Variants in STK38L observed in about 807,000 individuals in gnomAD.
STK38L encodes the protein serine/threonine kinase 38 like, also known as serine/threonine-protein kinase 38-like.
In STK38L, 28 loss-of-function variants were observed where a neutral mutation model predicts 59.7. The observed-to-expected ratio is 0.47, with a 90% CI of 0.35 to 0.64. The LOEUF (loss-of-function observed/expected upper bound fraction) is 0.64, where lower values mean the gene tolerates loss of function less well. Ranked by LOEUF, STK38L falls within the 30% of genes least tolerant of loss-of-function variation. The probability of loss-of-function intolerance (pLI) is 0.01; values close to 1 mark genes in which losing one functional copy is unlikely to be tolerated. For synonymous variants in STK38L, 162 were observed against 176.8 expected, an observed-to-expected ratio of 0.92 and a Z score of 0.66; for missense variants, 314 against 555.8, an observed-to-expected ratio of 0.56 and a Z score of 4.37.
Position 27,324,297 on chromosome 12 carries a change from G to C in STK38L, c.*1842G>C, listed in dbSNP as rs1425091398. 1 of 151,954 alleles carries C rather than the reference G, an allele frequency of 6.6e-6. No individual in the cohort carries two copies. Among genetic ancestry groups the C allele is most frequent in the East Asian group, 1.9e-4 (1 of 5,194 alleles). 9.4% of individuals were successfully genotyped at this position (151,954 alleles called of 1,614,324 possible). The stretch of plus-strand genomic sequence containing the variant: ...AACTCTAATTTTTCTAATTATAACT[G>C]CCTTTAATTAACATAATATTAACTT... On this transcript the variant is annotated 3_prime_UTR_variant, in exon 14 of 14. Coordinates refer to ENST00000389032, the MANE Select transcript of STK38L (RefSeq NM_015000.4).
intron 12 of STK38L, among the ~76,000 whole-genome samples, chr12:27,321,354 T>G (rs1423791893): frequency 1.3e-5 from 2 of 152,256 alleles, no homozygotes; most frequent in African/African-American, 4.8e-5. Flanking sequence ...TCTTTTTAAC[T>G]GAGTATCTTT....
intron 1 of STK38L, 98 bp from the exon 2 acceptor site, chr12:27,297,612 G>C (rs536806698): frequency 6.8e-6 from 9 of 1,316,114 alleles, no homozygotes; most frequent in Non-Finnish European, 9.2e-6. Context: ...TGTTAGGGTC[G>C]AATTTTTCTT....
chr12:27,316,858 C>T (rs540461087), intron 9 of STK38L, among the ~76,000 whole-genome samples: 2 of 152,166 alleles, frequency 1.3e-5, no homozygotes, highest in African/African-American at 4.8e-5. Context: ...TATTATTATT[C>T]TAGTTTTATG....
intron 9 of STK38L, among the ~76,000 whole-genome samples, chr12:27,317,128 G>A (rs1341664889): frequency 6.6e-6 from 1 of 152,080 alleles, no homozygotes; most frequent in East Asian, 1.9e-4. Flanking sequence ...CATTCCCTCA[G>A]GAAAGTAAAT....
intron 2 of STK38L, among the ~76,000 whole-genome samples, chr12:27,298,806 C>G (rs552787723): frequency 2.6e-5 from 4 of 152,226 alleles, no homozygotes; most frequent in Non-Finnish European, 5.9e-5. Context: ...TGTCCAATTT[C>G]GCTCAAGCAC....
chr12:27,269,406 G>C (rs1943371103), intron 1 of STK38L, among the ~76,000 whole-genome samples: 1 of 152,094 alleles, frequency 6.6e-6, no homozygotes, highest in Non-Finnish European at 1.5e-5. Context: ...GTTTTTGTCA[G>C]GTTTGTCAAA....
intron 1 of STK38L, among the ~76,000 whole-genome samples, chr12:27,279,288 A>G (rs1943602203): frequency 6.6e-6 from 1 of 152,232 alleles, no homozygotes; most frequent in Non-Finnish European, 1.5e-5. Flanking sequence ...TGTGAAAATA[A>G]AATAGTTGGT....
At chr12:27,305,505 C>T (rs932463714) in intron 3 of STK38L, among the ~76,000 whole-genome samples, 1 of 151,604 alleles carries the variant, frequency 6.6e-6, no homozygotes, top group Non-Finnish European at 1.5e-5. Flanking sequence ...GTAAAATAGA[C>T]AAGCTCTCTC....
At chr12:27,296,598 G>A (rs967190420) in intron 1 of STK38L, among the ~76,000 whole-genome samples, 4 of 152,234 alleles carry the variant, frequency 2.6e-5, no homozygotes, top group African/African-American at 9.6e-5. Context: ...TGTGGCATAG[G>A]TGGCAGGTTT....
At chr12:27,318,793 C>T (rs1236640902) in intron 11 of STK38L, among the ~76,000 whole-genome samples, 2 of 152,096 alleles carry the variant, frequency 1.3e-5, no homozygotes, top group Non-Finnish European at 2.9e-5. Flanking sequence ...AAATCAAAAC[C>T]ATCCTGGCTA....
rs779060341 is a variant in STK38L at position 27,317,463 on chromosome 12, A to G, written c.955+10A>G. Reference sequence around the variant, plus strand: ...TATGAAATGCTAATAGGTATGTTTTATCATTCATTTATGTACAAAATATAT... The same window carrying G: ...TATGAAATGCTAATAGGTATGTTTTGTCATTCATTTATGTACAAAATATAT... On this transcript the variant is annotated intron_variant, in intron 10 of 13. Transcript: ENST00000389032. The G allele has an allele frequency of 3.2e-6, 5 of 1,572,030 alleles. No homozygotes were observed. The highest frequency in any genetic ancestry group is 4.4e-6 in the Non-Finnish European group (5 of 1,148,854).
At chr12:27,265,324 A>G (rs1438469215) in intron 1 of STK38L, among the ~76,000 whole-genome samples, 13 of 152,108 alleles carry the variant, frequency 8.5e-5, no homozygotes, top group Non-Finnish European at 1.9e-4. Context: ...TTCTTTTTCC[A>G]TCATGATAAT....
intron 1 of STK38L, among the ~76,000 whole-genome samples, chr12:27,252,451 C>T (rs1484366976): frequency 6.6e-6 from 1 of 152,154 alleles, no homozygotes; most frequent in Admixed American, 6.5e-5. Flanking sequence ...TTAATTTTTA[C>T]TAGCAGTGTT....
In STK38L at chr12:27,312,635, G is replaced by A; in HGVS notation, c.480G>A (p.Lys160=). The A allele has an allele frequency of 1.2e-6, 2 of 1,614,070 alleles. No homozygotes were observed. The highest frequency in any genetic ancestry group is 1.7e-6 in the Non-Finnish European group (2 of 1,179,996). ...AGATGTTTTACAGTTTTCAGGATAAGAGGAATCTTTATCTAATCATGGAAT... is the reference window on the plus strand; with the variant it reads ...AGATGTTTTACAGTTTTCAGGATAAAAGGAATCTTTATCTAATCATGGAAT... The part of the protein sequence containing the change: ...VVKMFYSFQD[K]RNLYLIMEFL... Residue 160 remains lysine, a synonymous_variant, in exon 6 of 14, where the codon AAG becomes AAA. Coordinates refer to ENST00000389032, the MANE Select transcript of STK38L (RefSeq NM_015000.4).
chr12:27,312,769 T>C, intron 6 of STK38L, 97 bp downstream of exon 6: 1 of 1,439,604 alleles, frequency 6.9e-7, no homozygotes, highest in Non-Finnish European at 9.4e-7. Flanking sequence ...TATTCTTTGC[T>C]CTGAGGCTTT....
At position 27,276,662 on chromosome 12, in the gene STK38L, G is replaced by T. The variant is rs1943544682; in HGVS notation, c.-11-21048G>T. Among the ~76,000 whole-genome samples the T allele has an allele frequency of 2.0e-5, 3 of 152,202 alleles. No homozygotes were observed. In the South Asian group the frequency reaches 6.2e-4, roughly 31 times the overall value. On this transcript the variant is annotated intron_variant, in intron 1 of 13. Transcript: ENST00000389032. ...AATAGTTTTAAAAAATTATCCATAA[G>T]AAACCTTTAAAATTCCTTGGAATCT...
At chr12:27,278,144 C>T (rs1943577530) in intron 1 of STK38L, among the ~76,000 whole-genome samples, 1 of 152,208 alleles carries the variant, frequency 6.6e-6, no homozygotes, top group African/African-American at 2.4e-5. Flanking sequence ...TTAAGAGATG[C>T]TTGCTTATGG....
At chr12:27,309,286 T>C in intron 5 of STK38L, 89 bp downstream of exon 5, 1 of 817,276 alleles carries the variant, frequency 1.2e-6, no homozygotes, top group South Asian at 2.3e-5. Context: ...AGAAGCAGTT[T>C]ACACATCTTA....
Position 27,324,657 on chromosome 12 carries a change from TGA to T in STK38L, c.*2206_*2207del, listed in dbSNP as rs1466838105. 6.6e-6 allele frequency: 1 copy of T among 152,088 alleles called. No individual in the cohort carries two copies. Among genetic ancestry groups the T allele is most frequent in the Non-Finnish European group, 1.5e-5 (1 of 67,938 alleles). The allele number at this position is 152,088 out of a possible 1,614,324, so 9.4% of individuals were successfully genotyped here. On this transcript the variant is annotated 3_prime_UTR_variant, in exon 14 of 14. Transcript: ENST00000389032. ...GGGTAGTTCTGGAAAGCTACTTTGTTGAGAGTCTCATTCTTCCCTGGAGTTAA... is the reference window on the plus strand; with the variant it reads ...GGGTAGTTCTGGAAAGCTACTTTGTTGAGTCTCATTCTTCCCTGGAGTTAA...
Sources: gnomAD v4.1 joint callset for allele counts (sites outside exome capture counted in the v4.1 genomes callset) on GRCh38, gnomAD v4.1.1 for gene constraint, MANE v1.5 for transcripts, NCBI Gene and HGNC (gene_info 2026-07-23, HGNC 2026-07-21) for gene names.